Variants in EDA observed in about 807,000 individuals in gnomAD.
EDA encodes the protein ectodysplasin-A.
EDA carries 2 observed loss-of-function variants against 23.6 expected under a neutral mutation model. That is an observed-to-expected ratio of 0.08 (90% CI 0.03 to 0.27). The LOEUF is 0.27. EDA is among the 10% of genes least tolerant of loss of function. The pLI is 1.00. For synonymous variants in EDA, 131 were observed against 132.0 expected (o/e 0.99, Z 0.05); for missense variants, 229 against 324.2 (o/e 0.71, Z 2.26).
chrX:69,669,405 C>A (rs1269728793), intron 1 of EDA, among the ~76,000 whole-genome samples: 1 of 110,872 alleles, frequency 9.0e-6, no homozygotes, highest in Non-Finnish European at 1.9e-5. Context: ...TAGTGCTGAA[C>A]TTTGAGTCCT....
At chrX:69,655,787 T>TATATATATATATATATA (rs6151315) in intron 1 of EDA, among the ~76,000 whole-genome samples, 74 of 88,271 alleles carry the variant, frequency 8.4e-4, no homozygotes, top group East Asian at 5.5e-3. Context: ...TATATATATA[T>TATATATATATATATATA]TGCACTTTGT....
intron 1 of EDA, among the ~76,000 whole-genome samples, chrX:69,940,184 T>C (rs759387683): frequency 1.8e-5 from 2 of 111,616 alleles, no homozygotes; most frequent in Admixed American, 9.5e-5. Flanking sequence ...TTTTAAATGT[T>C]TGATAAAATT....
At chrX:70,033,249 C>A in intron 6 of EDA, 149 bp from the exon 7 acceptor site, 1 of 748,290 alleles carries the variant, frequency 1.3e-6, no homozygotes, top group Non-Finnish European at 2.0e-6. Context: ...AGCTTCTCTG[C>A]TTTCAAATGC....
chrX:69,851,155 GTT>G (rs1221095695), intron 1 of EDA, among the ~76,000 whole-genome samples: 7 of 37,075 alleles, frequency 1.9e-4, no homozygotes, highest in Admixed American at 4.9e-4. Flanking sequence ...TAGATCAAGG[GTT>G]TGTGTGTGTG....
chrX:69,620,138 C>T (rs939690359), intron 1 of EDA, among the ~76,000 whole-genome samples: 4 of 111,881 alleles, frequency 3.6e-5, no homozygotes, highest in African/African-American at 1.3e-4. Context: ...ATTGGTGTAA[C>T]GTAACAATCC....
At position 69,906,090 on chromosome X, in the gene EDA, C is replaced by T. The variant is rs561802340; in HGVS notation, c.397-50937C>T. Among the ~76,000 whole-genome samples, 22 of 112,017 alleles carry T rather than the reference C, an allele frequency of 2.0e-4. No individual in the cohort carries two copies. In the South Asian group the frequency reaches 7.5e-3, roughly 38 times the overall value. ...TAGACTATACCCCAGCAACTTCCAA[C>T]AACCTTCTGGCAGCAATATTTTTCT... On this transcript the variant is annotated intron_variant, in intron 1 of 7. Transcript: ENST00000374552.
At chrX:69,872,814 A>G (rs1032392236) in intron 1 of EDA, among the ~76,000 whole-genome samples, 11 of 111,603 alleles carry the variant, frequency 9.9e-5, no homozygotes, top group Non-Finnish European at 2.1e-4. Context: ...GGACTTTAAT[A>G]CCCTACTGAC....
chrX:69,745,964 G>A (rs1407312419), intron 1 of EDA, among the ~76,000 whole-genome samples: 1 of 111,544 alleles, frequency 9.0e-6, no homozygotes, highest in Non-Finnish European at 1.9e-5. Flanking sequence ...TGCAGCCTGG[G>A]TGACAGAGCG....
intron 2 of EDA, among the ~76,000 whole-genome samples, chrX:69,978,798 C>T (rs1350553055): frequency 2.7e-5 from 3 of 111,667 alleles, no homozygotes; most frequent in Non-Finnish European, 5.6e-5. Flanking sequence ...TCATACACTA[C>T]GTGGTATTTT....
At chrX:69,870,295 C>T (rs763899141) in intron 1 of EDA, among the ~76,000 whole-genome samples, 133 of 111,651 alleles carry the variant, frequency 1.2e-3, no homozygotes, top group Non-Finnish European at 2.1e-3. Flanking sequence ...AATATCTATT[C>T]CCATGCTTGT....
intron 1 of EDA, among the ~76,000 whole-genome samples, chrX:69,707,832 G>A (rs2011790553): frequency 9.0e-6 from 1 of 111,240 alleles, no homozygotes. Context: ...GTTTCTGTCT[G>A]ACCCAGGCAG....
intron 1 of EDA, among the ~76,000 whole-genome samples, chrX:69,702,795 G>C (rs971265884): frequency 4.5e-5 from 5 of 111,354 alleles, no homozygotes; most frequent in Non-Finnish European, 5.7e-5. Flanking sequence ...TTTTCCAGCC[G>C]TCAGCAATAA....
At chrX:69,763,549 C>T (rs1487776276) in intron 1 of EDA, among the ~76,000 whole-genome samples, 6 of 111,783 alleles carry the variant, frequency 5.4e-5, no homozygotes, top group Non-Finnish European at 1.1e-4. Context: ...CTGCAACTGC[C>T]GCCTTATGTG....
At chrX:69,696,306 G>A (rs1245036780) in intron 1 of EDA, among the ~76,000 whole-genome samples, 1 of 110,649 alleles carries the variant, frequency 9.0e-6, no homozygotes, top group Non-Finnish European at 1.9e-5. Flanking sequence ...GTAAAAAATT[G>A]TAGTTTTGCA....
chrX:70,037,614 C>G lies in EDA; in HGVS notation c.*2005C>G, dbSNP rs2020283350. The G allele has an allele frequency of 9.0e-6, 1 of 111,651 alleles. No individual in the cohort carries two copies. Among genetic ancestry groups the G allele is most frequent in the Non-Finnish European group, 1.9e-5 (1 of 53,114 alleles). The allele number at this position is 111,651 out of a possible 1,213,427, so 9.2% of individuals were successfully genotyped here. A position where few individuals can be genotyped will look rare whatever the true frequency, so the allele number is the denominator to read the frequency against. ...CCTGGAGCTTCAGCCAGGTCTGACT[C>G]CAAAGCTGTTCCATTACACCACAGC... On this transcript the variant is annotated 3_prime_UTR_variant, in exon 8 of 8. Coordinates refer to ENST00000374552, the MANE Select transcript of EDA (RefSeq NM_001399.5).
intron 1 of EDA, among the ~76,000 whole-genome samples, chrX:69,921,302 G>T (rs746170135): frequency 9.0e-6 from 1 of 111,380 alleles, no homozygotes; most frequent in Admixed American, 9.6e-5. Context: ...ATTGCTACTG[G>T]GTGTCATTAC....
At chrX:69,917,731 G>T (rs1160283754) in intron 1 of EDA, among the ~76,000 whole-genome samples, 1 of 110,674 alleles carries the variant, frequency 9.0e-6, no homozygotes, top group African/African-American at 3.3e-5. Context: ...AATTTCTATG[G>T]CACTTAGATT....
chrX:69,856,282 TGTGTGTG>T (rs2147585924), intron 1 of EDA, among the ~76,000 whole-genome samples: 1 of 107,806 alleles, frequency 9.3e-6, no homozygotes, highest in East Asian at 2.9e-4. Flanking sequence ...TGTGTGTGTG[TGTGTGTG>T]TGTGTGTGTT....
chrX:70,028,163 C>T (rs764614211), intron 4 of EDA, 127 bp downstream of exon 4: 4 of 1,072,169 alleles, frequency 3.7e-6, no homozygotes, highest in Non-Finnish European at 4.9e-6. Context: ...GGATGCAGAT[C>T]TCCTAGCCCA....
Sources: gnomAD v4.1 joint callset for allele counts (sites outside exome capture counted in the v4.1 genomes callset) on GRCh38, gnomAD v4.1.1 for gene constraint, MANE v1.5 for transcripts, NCBI Gene and HGNC (gene_info 2026-07-23, HGNC 2026-07-21) for gene names.